IRS2: variants seen among roughly 807,000 people sequenced by gnomAD.
IRS2 encodes insulin receptor substrate 2.
In IRS2, 28 loss-of-function variants were observed where a neutral mutation model predicts 70.9. That is an observed-to-expected ratio of 0.39 (90% CI 0.29 to 0.54). IRS2 has a LOEUF of 0.54. Ranked by LOEUF, IRS2 falls within the 20% of genes least tolerant of loss-of-function variation. IRS2 has a pLI of 0.59. For synonymous variants in IRS2, 1,217 were observed against 981.9 expected (o/e 1.24, Z -4.48); for missense variants, 2,081 against 2,024.1 (o/e 1.03, Z -0.54).
In IRS2 at chr13:109,785,007, G is replaced by A; in HGVS notation, c.1047C>T (p.Ala349=). Residue 349 remains alanine (A), a synonymous_variant, in exon 1 of 2, where the codon GCC becomes GCT. Transcript: ENST00000375856. This position sits in a 1 kb window ranked among gnomAD's most constrained non-coding sequence, Gnocchi z 9.3. The part of the protein sequence containing the change: ...VRRSRTDSLA[A]TPPAAKCSSC... ...AGCTGCACTTGGCCGCCGGCGGGGT[G>A]GCGGCCAGGCTGTCGGTGCGCGAGC... 7.1e-7 allele frequency: 1 copy of A among 1,417,758 alleles called. No individual in the cohort carries two copies. Among genetic ancestry groups the A allele is most frequent in the Non-Finnish European group, 9.2e-7 (1 of 1,091,602 alleles). 87.8% of individuals were successfully genotyped at this position (1,417,758 alleles called of 1,614,324 possible).
At position 109,764,445 on chromosome 13, in the gene IRS2, T is replaced by G. The variant is rs1002997195; in HGVS notation, c.4013-8137A>C. Reference sequence around the variant, plus strand: ...GTGGAGTCACAGGGAACCTGTCAAATGAGATTTCATGTATAAAATATATAA... The same window carrying G: ...GTGGAGTCACAGGGAACCTGTCAAAGGAGATTTCATGTATAAAATATATAA... On this transcript the variant is annotated intron_variant, in intron 1 of 1. Transcript: ENST00000375856. Among the ~76,000 whole-genome samples, 3 of 152,306 alleles carry G rather than the reference T, an allele frequency of 2.0e-5. No homozygotes were observed. In the East Asian group the frequency reaches 5.8e-4, roughly 29 times the overall value.
chr13:109,774,579 C>A lies in IRS2; in HGVS notation c.4012+7463G>T, dbSNP rs59121765. ...TCCTAATGTAATTATTGCATATGAGCTTCCCAAGCAGACAATATGACATTA... is the reference window on the plus strand; with the variant it reads ...TCCTAATGTAATTATTGCATATGAGATTCCCAAGCAGACAATATGACATTA... On this transcript the variant is annotated intron_variant, in intron 1 of 1. Coordinates refer to ENST00000375856, the MANE Select transcript of IRS2 (RefSeq NM_003749.3). Among the ~76,000 whole-genome samples, 1,040 of 152,122 alleles carry A rather than the reference C, an allele frequency of 6.8e-3. 10 individuals carry two copies. The highest frequency in any genetic ancestry group is 0.024 in the African/African-American group (983 of 41,482).
chr13:109,782,892 CTGGGCGG>C lies in IRS2; in HGVS notation c.3155_3161del (p.Thr1052ArgfsTer52). On this transcript the variant is annotated frameshift_variant, in exon 1 of 2. Transcript: ENST00000375856. LOFTEE classifies it high-confidence loss of function. ...ACAACGATGAGGCGGCGCCCGGGCC[CTGGGCGG>C]TGGCAACGGCCGAGGCGGGGGGCAG... 6.4e-7 allele frequency: 1 copy of C among 1,557,570 alleles called. No individual in the cohort carries two copies. Among genetic ancestry groups the C allele is most frequent in the Non-Finnish European group, 8.7e-7 (1 of 1,151,194 alleles).
Position 109,782,265 on chromosome 13 carries a change from C to A in IRS2, c.3789G>T (p.Gly1263=), listed in dbSNP as rs2138929267. Residue 1263 remains glycine (G), a synonymous_variant, in exon 1 of 2, where the codon GGG becomes GGT. Coordinates refer to ENST00000375856, the MANE Select transcript of IRS2 (RefSeq NM_003749.3). ...GCGGCGGCTGCGGCTGGGGTGGCAGCCCGGGCTCCTCCCTCACGTCGATGG... is the reference window on the plus strand; with the variant it reads ...GCGGCGGCTGCGGCTGGGGTGGCAGACCGGGCTCCTCCCTCACGTCGATGG... ...YIAIDVREEP[G]LPPQPQPPPP... 6.2e-7 allele frequency: 1 copy of A among 1,608,374 alleles called. No homozygotes were observed. The highest frequency in any genetic ancestry group is 8.5e-7 in the Non-Finnish European group (1 of 1,178,208).
In IRS2 at chr13:109,756,234, A is replaced by G. The variant is rs953059647; in HGVS notation, c.*70T>C. Reference sequence around the variant, plus strand: ...ACTGCAAGCAGCTTCGGGCTGAAACAGTGCTGAGCGTCTTCTTTTAATGAT... The same window carrying G: ...ACTGCAAGCAGCTTCGGGCTGAAACGGTGCTGAGCGTCTTCTTTTAATGAT... On this transcript the variant is annotated 3_prime_UTR_variant, in exon 2 of 2. Transcript: ENST00000375856. 3 of 1,319,140 alleles carry G rather than the reference A, an allele frequency of 2.3e-6. 1 individual carries two copies. Among genetic ancestry groups the G allele is most frequent in the Non-Finnish European group, 3.3e-6 (3 of 910,586 alleles). The allele number at this position is 1,319,140 out of a possible 1,614,324, so 81.7% of individuals were successfully genotyped here. A position where few individuals can be genotyped will look rare whatever the true frequency, so the allele number is the denominator to read the frequency against.
intron 1 of IRS2, among the ~76,000 whole-genome samples, chr13:109,773,434 T>TAGAGACACAC (rs1384916220): frequency 1.3e-5 from 2 of 152,228 alleles, no homozygotes; most frequent in African/African-American, 4.8e-5. Context: ...GCACCTGTCT[T>TAGAGACACAC]AGAGACACAG....
At position 109,775,067 on chromosome 13, in the gene IRS2, T is replaced by C. The variant is rs77626562; in HGVS notation, c.4012+6975A>G. On this transcript the variant is annotated intron_variant, in intron 1 of 1. Coordinates refer to ENST00000375856, the MANE Select transcript of IRS2 (RefSeq NM_003749.3). Reference sequence around the variant, plus strand: ...AATGCATACAGAAAGCACTGTATCATATTCTTAAATATTAAAGATTAAGCA... The same window carrying C: ...AATGCATACAGAAAGCACTGTATCACATTCTTAAATATTAAAGATTAAGCA... Among the ~76,000 whole-genome samples, 627 of 152,048 alleles carry C rather than the reference T, an allele frequency of 4.1e-3. 9 individuals are homozygous for C. The highest frequency in any genetic ancestry group is 0.014 in the African/African-American group (600 of 41,470).
chr13:109,782,194 G>A lies in IRS2; in HGVS notation c.3860C>T (p.Thr1287Ile). The A allele has an allele frequency of 1.2e-6, 2 of 1,606,260 alleles. No homozygotes were observed. The highest frequency in any genetic ancestry group is 1.1e-5 in the South Asian group (1 of 90,528). Reference sequence around the variant, plus strand: ...GCTGATGAGACCCCCGAGGCTTCGGGTCCGGCCCCAGGAGCTCTTGTCTCC... The same window carrying A: ...GCTGATGAGACCCCCGAGGCTTCGGATCCGGCCCCAGGAGCTCTTGTCTCC... The part of the protein sequence containing the change: ...QPGDKSSWGR[T>I]RSLGGLISAV... Residue 1287 changes from threonine to isoleucine, a missense_variant, in exon 1 of 2, where the codon ACC (threonine) becomes ATC (isoleucine). Thr to Ile is a moderately conservative substitution (Grantham distance 89). Transcript: ENST00000375856.
intron 1 of IRS2, among the ~76,000 whole-genome samples, chr13:109,768,503 G>A (rs1877383766): frequency 6.6e-6 from 1 of 152,196 alleles, no homozygotes; most frequent in Non-Finnish European, 1.5e-5. Context: ...GAAACAAATG[G>A]AATAATACAT....
chr13:109,777,932 G>T (rs911171590), intron 1 of IRS2, among the ~76,000 whole-genome samples: 8 of 152,222 alleles, frequency 5.3e-5, no homozygotes, highest in African/African-American at 1.9e-4. Context: ...TTGGGAGCCT[G>T]GAGCGGAACT....
Position 109,785,443 on chromosome 13 carries a change from G to A in IRS2, c.611C>T (p.Pro204Leu). The change falls in exon 1 of 2, where the codon CCC (proline) becomes CTC (leucine). Residue 204 changes from proline to leucine, a missense_variant. Coordinates refer to ENST00000375856, the MANE Select transcript of IRS2 (RefSeq NM_003749.3). This position sits in a 1 kb window ranked among gnomAD's most constrained non-coding sequence, Gnocchi z 9.3. ...YREVWQVNLK[P>L]KGLGQSKNLT... ...GTTCTTGCTCTGGCCCAGACCCTTG[G>A]GCTTCAGGTTCACCTGCCACACCTC... The A allele has an allele frequency of 6.2e-7, 1 of 1,612,056 alleles. No homozygotes were observed. Among genetic ancestry groups the A allele is most frequent in the Non-Finnish European group, 8.5e-7 (1 of 1,179,750 alleles).
In IRS2 at chr13:109,785,567, A is replaced by AGGACGCGGC. The variant is rs1324622065; in HGVS notation, c.478_486dup (p.Ala160_Ser162dup). 3 of 1,326,722 alleles carry AGGACGCGGC rather than the reference A, an allele frequency of 2.3e-6. No homozygotes were observed. Among genetic ancestry groups the AGGACGCGGC allele is most frequent in the Non-Finnish European group, 2.9e-6 (3 of 1,040,114 alleles). 82.2% of individuals were successfully genotyped at this position (1,326,722 alleles called of 1,614,324 possible). A position where few individuals can be genotyped will look rare whatever the true frequency, so the allele number is the denominator to read the frequency against. Reference sequence around the variant, plus strand: ...AGGGCGCCGGGCAGGGAGGCGCTGCAGGACGCGGCGGGCGCGGCGGCGGGG... The same window carrying AGGACGCGGC: ...AGGGCGCCGGGCAGGGAGGCGCTGCAGGACGCGGCGGACGCGGCGGGCGCGGCGGCGGGG... On this transcript the variant is annotated inframe_insertion, in exon 1 of 2. Coordinates refer to ENST00000375856, the MANE Select transcript of IRS2 (RefSeq NM_003749.3). The surrounding 1 kb of genome is among the most constrained non-coding windows in gnomAD (Gnocchi z 9.3).
chr13:109,761,292 C>G (rs1877219833), intron 1 of IRS2, among the ~76,000 whole-genome samples: 1 of 152,130 alleles, frequency 6.6e-6, no homozygotes, highest in South Asian at 2.1e-4. Flanking sequence ...ACATTTTCAG[C>G]CATAGCTGAA....
Position 109,782,427 on chromosome 13 carries a change from C to A in IRS2, c.3627G>T (p.Pro1209=), listed in dbSNP as rs1418331723. Residue 1209 remains proline (P), a synonymous_variant, in exon 1 of 2, where the codon CCG becomes CCT. Transcript: ENST00000375856. ...GGCCCTGCGGTGCCAAAGGGGGCGC[C>A]GGCTGCAACTGTCGTGGGGAGGTGG... ...EPPTSPRQLQ[P]APPLAPQGRP... is the part of the protein sequence containing the mutation. 2 of 1,593,620 alleles carry A rather than the reference C, an allele frequency of 1.3e-6. No homozygotes were observed. Among genetic ancestry groups the A allele is most frequent in the African/African-American group, 2.7e-5 (2 of 74,326 alleles).
intron 1 of IRS2, among the ~76,000 whole-genome samples, chr13:109,777,127 G>T (rs1054419079): frequency 6.6e-6 from 1 of 152,184 alleles, no homozygotes; most frequent in Middle Eastern, 3.4e-3. Context: ...GGGGCGGGGG[G>T]CACAGCACTT....
chr13:109,758,621 T>G (rs1338729872), intron 1 of IRS2, among the ~76,000 whole-genome samples: 1 of 152,142 alleles, frequency 6.6e-6, no homozygotes, highest in Non-Finnish European at 1.5e-5. Context: ...CCAATTAAGT[T>G]GAACATGTAA....
rs1278814728 is a variant in IRS2 at position 109,782,774 on chromosome 13, C to T, written c.3280G>A (p.Glu1094Lys). The T allele has an allele frequency of 6.2e-7, 1 of 1,603,340 alleles. No individual in the cohort carries two copies. The highest frequency in any genetic ancestry group is 1.7e-5 in the Admixed American group (1 of 59,136). The change falls in exon 1 of 2, where the codon GAA becomes AAA. Residue 1094 changes from glutamate to lysine, a missense_variant. By Grantham distance (56) the Glu-to-Lys change is moderately conservative. Transcript: ENST00000375856. Reference protein sequence around the residue: ...PQPIAAPPKPEAARVASPTSG... With the variant: ...PQPIAAPPKPKAARVASPTSG... ...GTCGGGCTGGCCACGCGGGCAGCTT[C>T]TGGCTTCGGGGGGGCCGCGATAGGT...
In IRS2 at chr13:109,783,059, C is replaced by T. The variant is rs35927012; in HGVS notation, c.2995G>A (p.Val999Met). The change falls in exon 1 of 2, where the codon GTG becomes ATG. Residue 999 changes from valine to methionine, a missense_variant. Val to Met is a conservative substitution (Grantham distance 21, BLOSUM62 1). Around this residue, in one of 4 missense-constraint regions of IRS2, gnomAD observed 1,615 missense variants for 1,459.5 expected, o/e 1.11. Transcript: ENST00000375856. Reference protein sequence around the residue: ...PKPGAPSGHPVGSLDGLLSPE... With the variant: ...PKPGAPSGHPMGSLDGLLSPE... ...GACAGGAGGCCGTCCAAGGAGCCCA[C>T]GGGGTGGCCGCTCGGGGCGCCCGGC... The T allele has an allele frequency of 3.2e-3, 4,454 of 1,377,806 alleles. 95 individuals are homozygous for T. The African/African-American group carries it at 0.054, about 17-fold the overall frequency. The allele number at this position is 1,377,806 out of a possible 1,614,324, so 85.3% of individuals were successfully genotyped here. A position where few individuals can be genotyped will look rare whatever the true frequency, so the allele number is the denominator to read the frequency against.
In IRS2 at chr13:109,783,194, G is replaced by A. The variant is rs757381017; in HGVS notation, c.2860C>T (p.Pro954Ser). ...SSSSLLSASSPASSLGSGTPG... is the reference protein window; with the variant it reads ...SSSSLLSASSSASSLGSGTPG... The stretch of plus-strand genomic sequence containing the variant: ...GTGCCTGAGCCCAGCGACGAGGCCG[G>A]GCTGCTGGCGGACAAGAGCGAGGAG... Residue 954 changes from proline to serine, a missense_variant, in exon 1 of 2, where the codon CCG (proline) becomes TCG (serine). This residue lies in a region of IRS2 where 1,615 missense variants were observed against 1,459.5 expected (regional missense o/e 1.11). Coordinates refer to ENST00000375856, the MANE Select transcript of IRS2 (RefSeq NM_003749.3). 3 of 1,400,010 alleles carry A rather than the reference G, an allele frequency of 2.1e-6. No homozygotes were observed. The highest frequency in any genetic ancestry group is 3.0e-5 in the African/African-American group (2 of 65,848). 86.7% of individuals were successfully genotyped at this position (1,400,010 alleles called of 1,614,324 possible).
Sources: gnomAD v4.1 joint callset for allele counts (sites outside exome capture counted in the v4.1 genomes callset) on GRCh38, gnomAD v4.1.1 for gene constraint, gnomAD v4.1.1 regional missense constraint, Gnocchi (gnomAD v3.1) non-coding constraint, MANE v1.5 for transcripts, NCBI Gene and HGNC (gene_info 2026-07-23, HGNC 2026-07-21) for gene names.